CAMKK2: variants seen among roughly 807,000 people sequenced by gnomAD.
CAMKK2 encodes calcium/calmodulin dependent protein kinase kinase 2.
In CAMKK2, 30 loss-of-function variants were observed where a neutral mutation model predicts 67.2. That is an observed-to-expected ratio of 0.45 (90% CI 0.33 to 0.61). The LOEUF (loss-of-function observed/expected upper bound fraction) is 0.61. Ranked by LOEUF, CAMKK2 falls within the 20% of genes least tolerant of loss-of-function variation. The probability of loss-of-function intolerance (pLI) is 0.02; values close to 1 mark genes in which losing one functional copy is unlikely to be tolerated. For synonymous variants in CAMKK2, 322 were observed against 326.2 expected (o/e 0.99, Z 0.14); for missense variants, 643 against 802.0 (o/e 0.80, Z 2.39).
At chr12:121,291,118 C>A (rs746311853) in intron 1 of CAMKK2, among the ~76,000 whole-genome samples, 6 of 152,200 alleles carry the variant, frequency 3.9e-5, no homozygotes, top group Non-Finnish European at 8.8e-5. Context: ...CTGTGCCTGG[C>A]CAGCAATGGG....
rs1456232000 is a variant in CAMKK2 at position 121,281,067 on chromosome 12, C to CCGA, written c.-59-6485_-59-6483dup. On this transcript the variant is annotated intron_variant, in intron 1 of 16. Transcript: ENST00000404169. ...GGCTTGTGGGGCATCACGGAACCTA[C>CCGA]CGACATGTGATGTCTCCCCCGGACG... 1.2e-4 allele frequency among the ~76,000 whole-genome samples: 19 copies of CCGA among 152,332 alleles called. No individual in the cohort carries two copies. The South Asian group carries it at 3.3e-3, about 27-fold the overall frequency.
At chr12:121,268,874 G>T (rs948616066) in intron 4 of CAMKK2, among the ~76,000 whole-genome samples, 185 bp from the exon 5 acceptor site, 5 of 152,156 alleles carry the variant, frequency 3.3e-5, no homozygotes, top group African/African-American at 1.2e-4. Flanking sequence ...CCATGGGGTT[G>T]TAGGGAGGCT....
intron 16 of CAMKK2, among the ~76,000 whole-genome samples, chr12:121,241,532 C>T (rs1018408053): frequency 6.6e-6 from 1 of 152,246 alleles, no homozygotes; most frequent in Non-Finnish European, 1.5e-5. Context: ...GCCGGTGTGA[C>T]AGCGTGGATG....
At chr12:121,277,558 G>C (rs1165461645) in intron 1 of CAMKK2, among the ~76,000 whole-genome samples, 5 of 152,190 alleles carry the variant, frequency 3.3e-5, no homozygotes, top group Admixed American at 2.6e-4. Context: ...AAAAAAGAAG[G>C]AAACTCTGAC....
intron 1 of CAMKK2, among the ~76,000 whole-genome samples, chr12:121,290,617 G>A (rs553712874): frequency 6.6e-6 from 1 of 152,278 alleles, no homozygotes; most frequent in South Asian, 2.1e-4. Flanking sequence ...TTGAGCCTGG[G>A]AGGTTGAGGC....
At chr12:121,278,964 T>C (rs1897267453) in intron 1 of CAMKK2, among the ~76,000 whole-genome samples, 1 of 152,114 alleles carries the variant, frequency 6.6e-6, no homozygotes, top group Non-Finnish European at 1.5e-5. Context: ...CTCTCCCCTA[T>C]CCTAGAGCTG....
intron 1 of CAMKK2, among the ~76,000 whole-genome samples, chr12:121,279,056 T>C (rs898882719): frequency 6.6e-6 from 1 of 152,196 alleles, no homozygotes; most frequent in Non-Finnish European, 1.5e-5. Context: ...TTTGTTTTTT[T>C]CTCACCAACA....
chr12:121,262,973 G>GTT (rs150740421), intron 6 of CAMKK2, among the ~76,000 whole-genome samples: 4,260 of 146,392 alleles, frequency 0.029, 87 homozygotes, highest in Middle Eastern at 0.046. Flanking sequence ...TTCAAAAAAA[G>GTT]TTTTTTTTTT....
chr12:121,275,780 T>C (rs1412268106), intron 1 of CAMKK2, among the ~76,000 whole-genome samples: 1 of 152,126 alleles, frequency 6.6e-6, no homozygotes, highest in East Asian at 1.9e-4. Context: ...ATAGAGGTAA[T>C]GGTTGCACAG....
At chr12:121,260,909 C>T (rs1342949400) in intron 6 of CAMKK2, among the ~76,000 whole-genome samples, 1 of 150,236 alleles carries the variant, frequency 6.7e-6, no homozygotes. Context: ...GCCACGATCA[C>T]GCCATTACAC....
intron 2 of CAMKK2, among the ~76,000 whole-genome samples, chr12:121,273,558 C>T (rs181458546): frequency 6.6e-6 from 1 of 152,196 alleles, no homozygotes; most frequent in African/African-American, 2.4e-5. Context: ...GGCGGGTCGT[C>T]GCCAGGCTCT....
At chr12:121,289,008 G>A (rs1899387051) in intron 1 of CAMKK2, among the ~76,000 whole-genome samples, 1 of 152,054 alleles carries the variant, frequency 6.6e-6, no homozygotes, top group Non-Finnish European at 1.5e-5. Context: ...ACCTGGGACA[G>A]GAACCAAGTC....
intron 16 of CAMKK2, chr12:121,243,737 G>T: frequency 2.2e-6 from 1 of 454,538 alleles, no homozygotes; most frequent in Non-Finnish European, 3.1e-6. Flanking sequence ...AGTTGACGGT[G>T]GTAATGGCTG....
chr12:121,273,304 CGA>C (rs1220327611), intron 2 of CAMKK2, among the ~76,000 whole-genome samples: 2 of 151,646 alleles, frequency 1.3e-5, no homozygotes, highest in African/African-American at 4.9e-5. Flanking sequence ...GAAGGAACAG[CGA>C]GAGTACAGAC....
At chr12:121,257,394 C>A (rs183004480) in intron 7 of CAMKK2, among the ~76,000 whole-genome samples, 110 of 152,148 alleles carry the variant, frequency 7.2e-4, no homozygotes, top group African/African-American at 2.6e-3. Context: ...CTACAGGCAC[C>A]TGCCACCACA....
At chr12:121,281,389 G>A (rs1372977588) in intron 1 of CAMKK2, among the ~76,000 whole-genome samples, 2 of 152,234 alleles carry the variant, frequency 1.3e-5, no homozygotes, top group African/African-American at 2.4e-5. Flanking sequence ...AAACAGCTCC[G>A]AGGATCCTGC....
chr12:121,267,910 T>C (rs961810443), intron 5 of CAMKK2, among the ~76,000 whole-genome samples: 1 of 151,900 alleles, frequency 6.6e-6, no homozygotes, highest in Admixed American at 6.6e-5. Flanking sequence ...AAATCTACTT[T>C]TGTTCCTATG....
upstream of CAMKK2, chr12:121,296,738 C>CG (rs891744258): frequency 1.4e-5 from 2 of 146,176 alleles, no homozygotes; most frequent in Non-Finnish European, 3.0e-5. This position sits in a 1 kb window ranked among gnomAD's most constrained non-coding sequence, Gnocchi z 7.1. Context: ...CTCCTCCGCC[C>CG]GGGCGGCGGG....
chr12:121,287,146 T>G (rs1898909929), intron 1 of CAMKK2, among the ~76,000 whole-genome samples: 1 of 152,094 alleles, frequency 6.6e-6, no homozygotes, highest in Non-Finnish European at 1.5e-5. Flanking sequence ...GCTCAAGTGA[T>G]CCACCTGCCT....
Sources: allele counts gnomAD v4.1 joint callset (sites outside exome capture counted in the v4.1 genomes callset), GRCh38; gene constraint gnomAD v4.1.1; non-coding constraint Gnocchi (gnomAD v3.1); transcripts MANE v1.5; gene names NCBI Gene and HGNC (gene_info 2026-07-23, HGNC 2026-07-21).